Variants in SGO2 observed in about 807,000 individuals in gnomAD.
SGO2 encodes shugoshin 2, also known as shugoshin-like 2.
Under a neutral mutation model 99.5 loss-of-function variants are expected in SGO2, and 68 were observed. The observed-to-expected ratio is 0.68, with a 90% CI of 0.56 to 0.84. The LOEUF (loss-of-function observed/expected upper bound fraction) is 0.84. Ranked by LOEUF, SGO2 falls within the 40% of genes least tolerant of loss-of-function variation. The pLI, the probability that SGO2 is intolerant of heterozygous loss-of-function variation, is 0.00. For synonymous variants in SGO2, 457 were observed against 487.1 expected (o/e 0.94, Z 0.81); for missense variants, 1,350 against 1,436.7 (o/e 0.94, Z 0.97).
intron 4 of SGO2, among the ~76,000 whole-genome samples, chr2:200,539,257 A>C (rs1015501): frequency 0.22 from 33,282 of 151,876 alleles, 3,870 homozygotes; most frequent in Middle Eastern, 0.3. Context: ...ATTTTTCCTT[A>C]GAAAGTTATC....
At chr2:200,530,756 ATGC>A (rs747755863) in intron 1 of SGO2, among the ~76,000 whole-genome samples, 2 of 152,246 alleles carry the variant, frequency 1.3e-5, no homozygotes, top group Non-Finnish European at 2.9e-5. Flanking sequence ...CCACATTAAA[ATGC>A]TGCTGATAGA....
At chr2:200,575,636 A>G (rs1311649312) in intron 8 of SGO2, among the ~76,000 whole-genome samples, 175 bp downstream of exon 8, 1 of 152,100 alleles carries the variant, frequency 6.6e-6, no homozygotes, top group Admixed American at 6.5e-5. Flanking sequence ...TGGACAGGCT[A>G]TTTTTGGGGG....
chr2:200,549,986 G>A (rs1193350683), intron 5 of SGO2, among the ~76,000 whole-genome samples: 1 of 152,168 alleles, frequency 6.6e-6, no homozygotes, highest in Non-Finnish European at 1.5e-5. Context: ...AAGCTGTTAG[G>A]ACACATAAGG....
intron 5 of SGO2, among the ~76,000 whole-genome samples, chr2:200,551,318 T>C (rs2032475712): frequency 6.6e-6 from 1 of 152,104 alleles, no homozygotes; most frequent in Non-Finnish European, 1.5e-5. Flanking sequence ...ATCCTGTTAT[T>C]TGCAGCAACA....
chr2:200,532,246 G>A (rs915608099), intron 1 of SGO2: 1 of 338,192 alleles, frequency 3.0e-6, no homozygotes, highest in Non-Finnish European at 4.2e-6. Flanking sequence ...TTGAGGGTTA[G>A]GCAGGTGCAG....
chr2:200,549,219 C>T (rs2032362783), intron 5 of SGO2, among the ~76,000 whole-genome samples: 1 of 152,082 alleles, frequency 6.6e-6, no homozygotes, highest in African/African-American at 2.4e-5. Flanking sequence ...GAAGTTGAGG[C>T]TGCAGTGAGC....
At chr2:200,555,435 G>A (rs976111655) in intron 5 of SGO2, among the ~76,000 whole-genome samples, 2 of 152,008 alleles carry the variant, frequency 1.3e-5, no homozygotes, top group African/African-American at 4.8e-5. Flanking sequence ...CCAAATTAAG[G>A]GTCCCATTTT....
intron 8 of SGO2, among the ~76,000 whole-genome samples, chr2:200,577,061 C>T (rs1574887758): frequency 6.6e-6 from 1 of 151,218 alleles, no homozygotes; most frequent in East Asian, 1.9e-4. Flanking sequence ...TGGATATATC[C>T]CTAGGAGTGG....
chr2:200,579,614 T>C (rs2033772424), intron 8 of SGO2, among the ~76,000 whole-genome samples: 1 of 152,356 alleles, frequency 6.6e-6, no homozygotes, highest in South Asian at 2.1e-4. Flanking sequence ...TTTATGAAGA[T>C]AGTAATATAC....
intron 4 of SGO2, 33 bp from the exon 5 acceptor site, chr2:200,542,546 A>G (rs754277927): frequency 1.3e-6 from 2 of 1,543,044 alleles, no homozygotes; most frequent in African/African-American, 2.7e-5. Context: ...ATAAGGTTAG[A>G]AACTTTGTTT....
At chr2:200,553,036 T>C (rs1427624463) in intron 5 of SGO2, among the ~76,000 whole-genome samples, 1 of 152,104 alleles carries the variant, frequency 6.6e-6, no homozygotes, top group Non-Finnish European at 1.5e-5. Context: ...TCAGGCTGAA[T>C]AGGGGTGATA....
At chr2:200,540,875 A>ATTGTT (rs1186123797) in intron 4 of SGO2, among the ~76,000 whole-genome samples, 1 of 152,132 alleles carries the variant, frequency 6.6e-6, no homozygotes, top group Non-Finnish European at 1.5e-5. Context: ...AGGGTAATTT[A>ATTGTT]TTGTTTTCTT....
At chr2:200,534,886 A>G (rs2106305897) in intron 2 of SGO2, 110 bp from the exon 3 acceptor site, 1 of 685,650 alleles carries the variant, frequency 1.5e-6, no homozygotes, top group South Asian at 2.8e-5. Flanking sequence ...CCCTTTTCTA[A>G]TCTTCAGTTA....
At chr2:200,550,158 G>A (rs528196029) in intron 5 of SGO2, among the ~76,000 whole-genome samples, 1 of 152,116 alleles carries the variant, frequency 6.6e-6, no homozygotes, top group Admixed American at 6.5e-5. Flanking sequence ...AGAGGTGAAA[G>A]TTCTATAGAA....
In SGO2 at chr2:200,575,399, A is replaced by G. The variant is rs781605470; in HGVS notation, c.3720A>G (p.Ser1240=). 2.5e-6 allele frequency: 4 copies of G among 1,605,222 alleles called. No homozygotes were observed. In the East Asian group the frequency reaches 8.9e-5, roughly 36 times the overall value. The change falls in exon 8 of 9, where the codon TCA becomes TCG. Residue 1240 remains serine (S), a synonymous_variant. Transcript: ENST00000357799. ...AAAATAAGTCAGAAGATCTATCTTC[A>G]GAACGGACAAGCAGAAGAAGAAGGT... ...ESENKSEDLS[S]ERTSRRRRCT...
At chr2:200,564,994 A>G (rs958073069) in intron 5 of SGO2, among the ~76,000 whole-genome samples, 4 of 152,062 alleles carry the variant, frequency 2.6e-5, no homozygotes, top group Non-Finnish European at 4.4e-5. Context: ...CAGCACACTG[A>G]TGGGTCTTGA....
rs150389701 is a variant in SGO2 at position 200,570,006 on chromosome 2, G to A, written c.703+114G>A. ...AATAAGTTAGCTCTCTTATGTTACC[G>A]ATTTGCTAACTTCTGCCATTTAAAA... On this transcript the variant is annotated intron_variant, in intron 6 of 8. Coordinates refer to ENST00000357799, the MANE Select transcript of SGO2 (RefSeq NM_152524.6). This position sits in a 1 kb window ranked among gnomAD's most constrained non-coding sequence, Gnocchi z 4.4. 9.7e-4 allele frequency: 664 copies of A among 681,754 alleles called. 7 individuals carry two copies. In the East Asian group the frequency reaches 0.016, roughly 16 times the overall value. 42.2% of individuals were successfully genotyped at this position (681,754 alleles called of 1,614,324 possible). A position where few individuals can be genotyped will look rare whatever the true frequency, so the allele number is the denominator to read the frequency against.
chr2:200,559,401 T>C (rs1456652370), intron 5 of SGO2, among the ~76,000 whole-genome samples: 4 of 152,136 alleles, frequency 2.6e-5, no homozygotes, highest in African/African-American at 7.2e-5. Context: ...GTTGTTGTTT[T>C]AGTATATTTG....
chr2:200,577,460 T>A (rs2033704493), intron 8 of SGO2, among the ~76,000 whole-genome samples: 1 of 152,206 alleles, frequency 6.6e-6, no homozygotes, highest in Admixed American at 6.5e-5. Flanking sequence ...AATACAAAGG[T>A]TTCCCCTATG....
Sources: allele counts gnomAD v4.1 joint callset (sites outside exome capture counted in the v4.1 genomes callset), GRCh38; gene constraint gnomAD v4.1.1; non-coding constraint Gnocchi (gnomAD v3.1); transcripts MANE v1.5; gene names NCBI Gene and HGNC (gene_info 2026-07-23, HGNC 2026-07-21).